Variants in TMEM217 observed in about 807,000 individuals in gnomAD.
The protein encoded by TMEM217 is chromosome 6 open reading frame 128.
For synonymous variants in TMEM217, 76 were observed against 88.3 expected (o/e 0.86, Z 0.78); for missense variants, 204 against 248.8 (o/e 0.82, Z 1.21).
chr6:37,245,821 G>C (rs113161313), intron 1 of TMEM217, among the ~76,000 whole-genome samples: 9,479 of 150,278 alleles, frequency 0.063, 995 homozygotes, highest in African/African-American at 0.22. Context: ...TTTTTTGAGA[G>C]GGAGTTTTGC....
At chr6:37,215,570 CAAAAAAAAAAAAAAAA>C (rs34808595), downstream of TMEM217, among the ~76,000 whole-genome samples, 7 of 72,376 alleles carry the variant, frequency 9.7e-5, no homozygotes, top group Admixed American at 4.2e-4. Flanking sequence ...GACTCTGTCT[CAAAAAAAAAAAAAAAA>C]AAAAAAAAAA....
rs373171848 is a variant in TMEM217, at chr6:37,257,994, G to A, written c.-438C>T. ...GGGAGGTGAGCCCAGGACGCTGAGA[G>A]GGATAGGGGATTGGACCAAACCCTT... is the stretch of plus-strand genomic sequence containing the variant. On this transcript the variant is annotated 5_prime_UTR_variant, in exon 1 of 2. Coordinates refer to ENST00000357219, the Ensembl canonical transcript of TMEM217. 1,647 of 1,613,184 alleles carry A rather than the reference G, an allele frequency of 1.0e-3. 16 individuals carry two copies. Among genetic ancestry groups the A allele is most frequent in the South Asian group, 8.5e-3 (773 of 90,814 alleles).
intron 1 of TMEM217, among the ~76,000 whole-genome samples, chr6:37,227,582 G>A (rs970326617): frequency 6.6e-6 from 1 of 152,104 alleles, no homozygotes. Context: ...AAGTAGCTGG[G>A]ACTACAGGCG....
At chr6:37,244,631 T>C (rs1764958843) in intron 1 of TMEM217, among the ~76,000 whole-genome samples, 1 of 152,226 alleles carries the variant, frequency 6.6e-6, no homozygotes, top group Admixed American at 6.5e-5. Context: ...CATAGACTTG[T>C]GGAGAAATCT....
intron 1 of TMEM217, among the ~76,000 whole-genome samples, chr6:37,232,024 C>T (rs1474454821): frequency 2.0e-5 from 3 of 152,056 alleles, no homozygotes; most frequent in Admixed American, 2.0e-4. Context: ...TCTGCTTTCT[C>T]CTTACCTGAA....
intron 1 of TMEM217, among the ~76,000 whole-genome samples, chr6:37,255,190 T>G (rs1426376633): frequency 6.6e-6 from 1 of 151,756 alleles, no homozygotes; most frequent in South Asian, 2.1e-4. Context: ...TAAAGAAAAA[T>G]AGAGCCAGGC....
chr6:37,212,734 T>C (rs1762978155), downstream of TMEM217: 3 of 672,296 alleles, frequency 4.5e-6, no homozygotes, highest in Middle Eastern at 2.4e-4. Context: ...GATATTCTTG[T>C]GGATACAATA....
downstream of TMEM217, among the ~76,000 whole-genome samples, chr6:37,215,598 A>G (rs1215165172): frequency 5.2e-5 from 7 of 135,632 alleles, no homozygotes; most frequent in South Asian, 2.4e-4. Context: ...AAAAAAAAAA[A>G]AAAGAAAAGA....
intron 1 of TMEM217, among the ~76,000 whole-genome samples, chr6:37,236,630 T>C (rs1583468061): frequency 1.3e-5 from 2 of 151,750 alleles, no homozygotes; most frequent in East Asian, 3.9e-4. Context: ...AAGTCTCAGT[T>C]TGCTCATCTT....
chr6:37,233,031 C>T (rs1251595850), intron 1 of TMEM217, among the ~76,000 whole-genome samples: 1 of 152,208 alleles, frequency 6.6e-6, no homozygotes, highest in Admixed American at 6.5e-5. Context: ...GTCCACTACA[C>T]TGGTGACTCC....
chr6:37,238,012 G>C (rs1482978967), intron 1 of TMEM217, among the ~76,000 whole-genome samples: 1 of 152,034 alleles, frequency 6.6e-6, no homozygotes, highest in Non-Finnish European at 1.5e-5. Context: ...TTTTATTTTG[G>C]ACAGGGGATT....
intron 1 of TMEM217, among the ~76,000 whole-genome samples, chr6:37,252,185 G>A (rs897665394): frequency 2.6e-5 from 4 of 152,162 alleles, no homozygotes; most frequent in Non-Finnish European, 4.4e-5. Flanking sequence ...GAGCCACTGC[G>A]CCTGGCCTGG....
At chr6:37,216,687 C>T (rs1763223934), downstream of TMEM217, among the ~76,000 whole-genome samples, 1 of 152,154 alleles carries the variant, frequency 6.6e-6, no homozygotes, top group Admixed American at 6.6e-5. Flanking sequence ...TGTGGTTTGA[C>T]TGTCCCCTTC....
At chr6:37,230,323 C>T (rs1269634959) in intron 1 of TMEM217, among the ~76,000 whole-genome samples, 9 of 152,182 alleles carry the variant, frequency 5.9e-5, no homozygotes, top group East Asian at 1.9e-4. Context: ...GTCCCTTTTG[C>T]GTACTCACAG....
At chr6:37,244,543 T>C (rs1764954516) in intron 1 of TMEM217, among the ~76,000 whole-genome samples, 1 of 152,230 alleles carries the variant, frequency 6.6e-6, no homozygotes, top group East Asian at 1.9e-4. Flanking sequence ...TCTAATTTAC[T>C]TTCAGTCTTT....
chr6:37,218,797 G>A, exon 2 of TMEM217: 6 of 1,614,214 alleles, frequency 3.7e-6, no homozygotes, highest in Non-Finnish European at 5.1e-6. Flanking sequence ...GGAAGCAGCT[G>A]ATGAGGATGG....
intron 1 of TMEM217, among the ~76,000 whole-genome samples, chr6:37,256,139 G>A (rs926304526): frequency 6.6e-6 from 1 of 152,220 alleles, no homozygotes; most frequent in Non-Finnish European, 1.5e-5. Flanking sequence ...ATGTGCATAA[G>A]CTGGAAAGTG....
downstream of TMEM217, among the ~76,000 whole-genome samples, chr6:37,215,587 A>G (rs931294725): frequency 4.0e-5 from 6 of 150,490 alleles, no homozygotes; most frequent in Middle Eastern, 3.4e-3. Context: ...AAAAAAAAAA[A>G]AAAAAAAAAA....
intron 1 of TMEM217, among the ~76,000 whole-genome samples, chr6:37,222,771 T>C (rs939967681): frequency 1.3e-5 from 2 of 152,152 alleles, no homozygotes; most frequent in African/African-American, 2.4e-5. Flanking sequence ...CGGCTTTGGT[T>C]TGGGCGGCTG....
Sources: gnomAD v4.1 joint callset for allele counts (sites outside exome capture counted in the v4.1 genomes callset) on GRCh38, gnomAD v4.1.1 for gene constraint, MANE v1.5 for transcripts, NCBI Gene and HGNC (gene_info 2026-07-23, HGNC 2026-07-21) for gene names.